CD44: variants seen among roughly 807,000 people sequenced by gnomAD.
The protein encoded by CD44 is CD44 molecule (IN blood group), also known as CD44 antigen.
Under a neutral mutation model 88.8 loss-of-function variants are expected in CD44, and 49 were observed. That is an observed-to-expected ratio of 0.55 (90% CI 0.44 to 0.70). CD44 has a LOEUF of 0.70. Ranked by LOEUF, CD44 falls within the 30% of genes least tolerant of loss-of-function variation. CD44 has a pLI of 0.00. For missense variants in CD44, 883 were observed against 913.8 expected (o/e 0.97, Z 0.43); for synonymous variants, 325 against 312.3 (o/e 1.04, Z -0.43).
chr11:35,199,934 GTTTTTTTT>G (rs60509735), intron 7 of CD44, among the ~76,000 whole-genome samples: 8 of 90,866 alleles, frequency 8.8e-5, no homozygotes, highest in Admixed American at 6.7e-4. Context: ...CCATGGTGTT[GTTTTTTTT>G]TTTTTTTTTT....
Position 35,201,107 on chromosome 11 carries a change from C to T in CD44, c.948C>T (p.Asp316=), listed in dbSNP as rs776027428. The T allele has an allele frequency of 5.0e-6, 8 of 1,613,798 alleles. No homozygotes were observed. The highest frequency in any genetic ancestry group is 5.9e-6 in the Non-Finnish European group (7 of 1,179,798). Reference sequence around the variant, plus strand: ...TTTCAACCACACCACGGGCTTTTGACCACACAAAACAGAACCAGGACTGGA... The same window carrying T: ...TTTCAACCACACCACGGGCTTTTGATCACACAAAACAGAACCAGGACTGGA... ...STISTTPRAF[D]HTKQNQDWTQ... Residue 316 remains aspartate (D), a synonymous_variant, in exon 8 of 18, where the codon GAC becomes GAT. Transcript: ENST00000428726.
intron 1 of CD44, among the ~76,000 whole-genome samples, chr11:35,157,594 G>A (rs1241978439): frequency 6.6e-6 from 1 of 152,076 alleles, no homozygotes; most frequent in Admixed American, 6.5e-5. Flanking sequence ...TGCTTGAAAA[G>A]CAGAGGAGAG....
chr11:35,219,465 C>T, intron 16 of CD44, 78 bp downstream of exon 16: 2 of 978,378 alleles, frequency 2.0e-6, no homozygotes, highest in East Asian at 5.0e-5. Context: ...CGAAGAGACT[C>T]ATTTGAAAGC....
At position 35,229,736 on chromosome 11, in the gene CD44, AT is replaced by A. The variant is rs1949968682; in HGVS notation, c.*407del. ...CCTGGGAGGAAATTTGAATGGGTCC[AT>A]TTTGCCCTTCCATAGCCTAATCCCT... On this transcript the variant is annotated 3_prime_UTR_variant, in exon 18 of 18. Transcript: ENST00000428726. 1 of 194,372 alleles carries A rather than the reference AT, an allele frequency of 5.1e-6. No individual in the cohort carries two copies. Among genetic ancestry groups the A allele is most frequent in the African/African-American group, 2.3e-5 (1 of 42,670 alleles). The allele number at this position is 194,372 out of a possible 1,614,324, so 12.0% of individuals were successfully genotyped here. A position where few individuals can be genotyped will look rare whatever the true frequency, so the allele number is the denominator to read the frequency against.
intron 3 of CD44, among the ~76,000 whole-genome samples, chr11:35,183,557 C>T (rs886719083): frequency 4.6e-5 from 7 of 152,152 alleles, no homozygotes; most frequent in Non-Finnish European, 8.8e-5. Context: ...TGATCCCCCC[C>T]ATAAAACGGC....
At chr11:35,146,277 A>G (rs1859146074) in intron 1 of CD44, among the ~76,000 whole-genome samples, 1 of 152,194 alleles carries the variant, frequency 6.6e-6, no homozygotes, top group Non-Finnish European at 1.5e-5. Flanking sequence ...TTTTAAAAGT[A>G]AAGGTTAATT....
At chr11:35,194,979 T>C (rs1466783781) in intron 5 of CD44, among the ~76,000 whole-genome samples, 1 of 152,226 alleles carries the variant, frequency 6.6e-6, no homozygotes, top group East Asian at 1.9e-4. Flanking sequence ...ATTTCTCTCA[T>C]CAAAGTGTAG....
At chr11:35,215,376 C>A (rs61882766) in intron 15 of CD44, among the ~76,000 whole-genome samples, 10,049 of 152,256 alleles carry the variant, frequency 0.066, 382 homozygotes, top group Middle Eastern at 0.092. Context: ...GACAACATTT[C>A]TCAACTAATA....
intron 1 of CD44, among the ~76,000 whole-genome samples, chr11:35,169,207 G>A (rs1265920104): frequency 6.6e-6 from 1 of 152,050 alleles, no homozygotes; most frequent in Non-Finnish European, 1.5e-5. Context: ...ACCATGGGAG[G>A]CTGTACTAGG....
At chr11:35,192,222 C>CTGAG (rs1167938833) in intron 5 of CD44, among the ~76,000 whole-genome samples, 2 of 152,174 alleles carry the variant, frequency 1.3e-5, no homozygotes, top group Non-Finnish European at 2.9e-5. Context: ...CAGGGCTAAC[C>CTGAG]TGAGAGTCAC....
At chr11:35,157,026 C>T (rs1291025617) in intron 1 of CD44, among the ~76,000 whole-genome samples, 2 of 152,112 alleles carry the variant, frequency 1.3e-5, no homozygotes, top group Non-Finnish European at 2.9e-5. Flanking sequence ...GGAGCCAGAC[C>T]CTGTCTCTAT....
intron 1 of CD44, among the ~76,000 whole-genome samples, chr11:35,175,737 G>A (rs1944385245): frequency 6.6e-6 from 1 of 152,178 alleles, no homozygotes; most frequent in South Asian, 2.1e-4. Context: ...GAGAATGTAA[G>A]AGTGATATTA....
chr11:35,153,611 A>G (rs1941471789), intron 1 of CD44, among the ~76,000 whole-genome samples: 1 of 152,238 alleles, frequency 6.6e-6, no homozygotes, highest in Non-Finnish European at 1.5e-5. Flanking sequence ...ACCACTGTAG[A>G]CAAGAGAGGC....
intron 9 of CD44, among the ~76,000 whole-genome samples, chr11:35,202,365 G>A (rs577886845): frequency 6.6e-6 from 1 of 152,200 alleles, no homozygotes; most frequent in African/African-American, 2.4e-5. Flanking sequence ...TGCTCTTACT[G>A]TTATTTCTAC....
chr11:35,171,754 G>A (rs756496195), intron 1 of CD44, among the ~76,000 whole-genome samples: 1 of 152,094 alleles, frequency 6.6e-6, no homozygotes, highest in Non-Finnish European at 1.5e-5. Context: ...GAGGGTCCTG[G>A]GAATTTAATC....
At chr11:35,206,363 G>A (rs775325370) in intron 11 of CD44, 120 bp downstream of exon 11, 77 of 994,848 alleles carry the variant, frequency 7.7e-5, no homozygotes, top group Non-Finnish European at 1.0e-4. Context: ...AAGGACCTGA[G>A]GTTCTTCAAA....
chr11:35,197,018 G>A, intron 6 of CD44, 144 bp downstream of exon 6: 2 of 739,358 alleles, frequency 2.7e-6, no homozygotes, highest in Non-Finnish European at 4.4e-6. Context: ...CATTAACTCT[G>A]GTATCTGTTT....
At chr11:35,171,204 T>C (rs1294548959) in intron 1 of CD44, among the ~76,000 whole-genome samples, 1 of 152,206 alleles carries the variant, frequency 6.6e-6, no homozygotes, top group African/African-American at 2.4e-5. Context: ...TCATAAATTA[T>C]CAGGGTTTGA....
intron 17 of CD44, among the ~76,000 whole-genome samples, chr11:35,228,300 TC>T (rs1949853814): frequency 6.6e-6 from 1 of 152,232 alleles, no homozygotes; most frequent in Non-Finnish European, 1.5e-5. Context: ...TTATTAAACT[TC>T]CTATATCAGG....
Sources: allele counts gnomAD v4.1 joint callset (sites outside exome capture counted in the v4.1 genomes callset), GRCh38; gene constraint gnomAD v4.1.1; transcripts MANE v1.5; gene names NCBI Gene and HGNC (gene_info 2026-07-23, HGNC 2026-07-21).